PLEC: variants seen among roughly 807,000 people sequenced by gnomAD.
PLEC encodes the protein plectin.
Under a neutral mutation model 392.8 loss-of-function variants are expected in PLEC, and 216 were observed. That is an observed-to-expected ratio of 0.55 (90% CI 0.49 to 0.62). PLEC has a LOEUF of 0.62. Ranked by LOEUF, PLEC falls within the 20% of genes least tolerant of loss-of-function variation. PLEC has a pLI of 0.00. For synonymous variants in PLEC, 3,621 were observed against 2,980.6 expected (o/e 1.21, Z -7.00); for missense variants, 6,863 against 6,563.4 (o/e 1.05, Z -1.58).
chr8:143,941,707 A>C (rs1830489932), upstream of PLEC, among the ~76,000 whole-genome samples: 1 of 61,820 alleles, frequency 1.6e-5, no homozygotes, highest in Non-Finnish European at 3.1e-5. Flanking sequence ...TCCTATTCTG[A>C]CCCTAAAACC....
upstream of PLEC, chr8:143,973,566 C>G: frequency 1.0e-6 from 1 of 1,001,180 alleles, no homozygotes; most frequent in Non-Finnish European, 1.2e-6. This position sits in a 1 kb window ranked among gnomAD's most constrained non-coding sequence, Gnocchi z 5.6. Context: ...AAGAGGCCGC[C>G]CCCGCCCCGC....
Position 143,917,707 on chromosome 8 carries a change from A to G in PLEC, c.12114T>C (p.His4038=), listed in dbSNP as rs2130868944. ...AMKKGLILKD[H]GIRLLEAQIA... ...TCTGGGCCTCCAGCAGGCGGATGCC[A>G]TGGTCCTTCAGGATCAGGCCCTTCT... Residue 4038 remains histidine, a synonymous_variant, in exon 32 of 32, where the codon CAT becomes CAC. Transcript: ENST00000345136. 6.2e-7 allele frequency: 1 copy of G among 1,613,480 alleles called. No homozygotes were observed. Among genetic ancestry groups the G allele is most frequent in the Non-Finnish European group, 8.5e-7 (1 of 1,179,990 alleles).
rs1366052392 is a variant in PLEC, at chr8:143,926,191, G to A, written c.4045-307C>T. On this transcript the variant is annotated intron_variant, in intron 30 of 31. Coordinates refer to ENST00000345136, the MANE Select transcript of PLEC (RefSeq NM_201384.3). The stretch of plus-strand genomic sequence containing the variant: ...AGCAAAGCAGGAGCTCGGAACCTGC[G>A]AGCCACACCCAGCACACAGCCCTGC... Among the ~76,000 whole-genome samples the A allele has an allele frequency of 2.0e-5, 3 of 152,198 alleles. 1 individual carries two copies. Among genetic ancestry groups the A allele is most frequent in the Non-Finnish European group, 4.4e-5 (3 of 68,028 alleles).
In PLEC at chr8:143,969,739, G is replaced by T. The variant is rs1554743564; in HGVS notation, c.70+3664C>A. ...GGGAGTGGGGAGTGGGGCCAGCCGGGGGCCTGGGCAGCTGGGGATAGAGAC... is the reference window on the plus strand; with the variant it reads ...GGGAGTGGGGAGTGGGGCCAGCCGGTGGCCTGGGCAGCTGGGGATAGAGAC... On this transcript the variant is annotated intron_variant, in intron 1 of 31. Coordinates refer to the PLEC transcript ENST00000356346. This position sits in a 1 kb window ranked among gnomAD's most constrained non-coding sequence, Gnocchi z 5.1. Among the ~76,000 whole-genome samples the T allele has an allele frequency of 1.3e-5, 2 of 152,136 alleles. No individual in the cohort carries two copies. Among genetic ancestry groups the T allele is most frequent in the Non-Finnish European group, 2.9e-5 (2 of 68,024 alleles).
At position 143,925,709 on chromosome 8, in the gene PLEC, G is replaced by T; in HGVS notation, c.4220C>A (p.Ala1407Glu). Residue 1407 changes from alanine to glutamate, a missense_variant, in exon 31 of 32, where the codon GCG becomes GAG. By Grantham distance (107) the Ala-to-Glu change is moderately radical (BLOSUM62 -1). Coordinates refer to ENST00000345136, the MANE Select transcript of PLEC (RefSeq NM_201384.3). ...CTTCTGCTGCTGCGCGTCCACCGCC[G>T]CCTCCTCCCGCCGCACCACCTCCTC... ...MQEEVVRREE[A>E]AVDAQQQKRS... The T allele has an allele frequency of 6.3e-7, 1 of 1,591,806 alleles. No homozygotes were observed.
chr8:143,937,081 A>G lies in PLEC; in HGVS notation c.343-10T>C. ...TGTTCACCAGCTTCACCTGTGAGCG[A>G]GGGGCTCTCGGTCACGGCCCACAGG... On this transcript the variant is annotated splice_polypyrimidine_tract_variant and intron_variant, in intron 4 of 31. Coordinates refer to ENST00000345136, the MANE Select transcript of PLEC (RefSeq NM_201384.3). 1 of 1,611,892 alleles carries G rather than the reference A, an allele frequency of 6.2e-7. No individual in the cohort carries two copies. Among genetic ancestry groups the G allele is most frequent in the East Asian group, 2.2e-5 (1 of 44,840 alleles).
rs782793472 is a variant in PLEC at position 143,934,464 on chromosome 8, C to T, written c.1042-19G>A. On this transcript the variant is annotated intron_variant, in intron 10 of 31. Coordinates refer to ENST00000345136, the MANE Select transcript of PLEC (RefSeq NM_201384.3). ...CCGCTCCCTGTAGACAGGGGCCACA[C>T]TCAGGCCCTATAGGCAGGGGGCAGG... 9 of 1,610,110 alleles carry T rather than the reference C, an allele frequency of 5.6e-6. No individual in the cohort carries two copies. The African/African-American group carries it at 1.1e-4, about 19-fold the overall frequency.
chr8:143,937,077 A>C lies in PLEC; in HGVS notation c.343-6T>G, dbSNP rs886044815. ...CTGATGTTCACCAGCTTCACCTGTG[A>C]GCGAGGGGCTCTCGGTCACGGCCCA... On this transcript the variant is annotated splice_region_variant and splice_polypyrimidine_tract_variant and intron_variant, in intron 4 of 31. Coordinates refer to ENST00000345136, the MANE Select transcript of PLEC (RefSeq NM_201384.3). 12 of 1,612,144 alleles carry C rather than the reference A, an allele frequency of 7.4e-6. No individual in the cohort carries two copies. Among genetic ancestry groups the C allele is most frequent in the Non-Finnish European group, 1.0e-5 (12 of 1,179,230 alleles).
At chr8:143,962,818 T>C (rs1397925083) in intron 1 of PLEC, among the ~76,000 whole-genome samples, 1 of 152,224 alleles carries the variant, frequency 6.6e-6, no homozygotes, top group Non-Finnish European at 1.5e-5. Context: ...TGGCTGCTTC[T>C]TGCTGCTTAT....
Position 143,922,873 on chromosome 8 carries a change from C to T in PLEC, c.7056G>A (p.Gln2352=). ...TCTCCTCCGCCAGCTGCTGCGCCAT[C>T]TGCTCCTTGTCCTCCTGCAGCCGCC... ...QARRLQEDKE[Q]MAQQLAEETQ... Residue 2352 remains glutamine (Q), a synonymous_variant, in exon 31 of 32, where the codon CAG becomes CAA. Transcript: ENST00000345136. The T allele has an allele frequency of 6.3e-7, 1 of 1,582,592 alleles. No individual in the cohort carries two copies. Among genetic ancestry groups the T allele is most frequent in the African/African-American group, 1.3e-5 (1 of 74,262 alleles).
Position 143,932,395 on chromosome 8 carries a change from C to A in PLEC, c.1977+5G>T. On this transcript the variant is annotated splice_donor_5th_base_variant and intron_variant, in intron 16 of 31. Coordinates refer to ENST00000345136, the MANE Select transcript of PLEC (RefSeq NM_201384.3). ...GGGGTTCAGGGCAGCTGGGCCACCG[C>A]TCACCGAGTAGCTCTCCTTCTTGGC... 1 of 1,612,726 alleles carries A rather than the reference C, an allele frequency of 6.2e-7. No individual in the cohort carries two copies. Among genetic ancestry groups the A allele is most frequent in the Non-Finnish European group, 8.5e-7 (1 of 1,179,946 alleles).
chr8:143,934,434 T>C lies in PLEC; in HGVS notation c.1053A>G (p.Gln351=). Residue 351 remains glutamine (Q), a synonymous_variant, in exon 11 of 32, where the codon CAA becomes CAG. Coordinates refer to ENST00000345136, the MANE Select transcript of PLEC (RefSeq NM_201384.3). ...GIYQSLEGAV[Q]AGQLKVPPGY... ...CAGGGGGCACCTTGAGCTGGCCTGCTTGCACCGCTCCCTGTAGACAGGGGC... is the reference window on the plus strand; with the variant it reads ...CAGGGGGCACCTTGAGCTGGCCTGCCTGCACCGCTCCCTGTAGACAGGGGC... 2 of 1,611,648 alleles carry C rather than the reference T, an allele frequency of 1.2e-6. No homozygotes were observed. The highest frequency in any genetic ancestry group is 1.7e-4 in the Middle Eastern group (1 of 6,056).
chr8:143,965,567 G>A (rs1554742015), intron 1 of PLEC, among the ~76,000 whole-genome samples: 1 of 152,198 alleles, frequency 6.6e-6, no homozygotes, highest in Non-Finnish European at 1.5e-5. Flanking sequence ...AGCGGTGGGA[G>A]ATCTGGGCAC....
rs199815198 is a variant in PLEC, at chr8:143,919,235, C to A, written c.10586G>T (p.Arg3529Leu). 12 of 1,613,900 alleles carry A rather than the reference C, an allele frequency of 7.4e-6. No individual in the cohort carries two copies. The highest frequency in any genetic ancestry group is 1.0e-5 in the Non-Finnish European group (12 of 1,180,026). The part of the protein sequence containing the change: ...ENLTYRQLLE[R>L]CVEDPETGLR... ...GCCCGTCTCGGGGTCCTCCACGCACCGCTCCAGCAGCTGCCTGTACGTGAG... is the reference window on the plus strand; with the variant it reads ...GCCCGTCTCGGGGTCCTCCACGCACAGCTCCAGCAGCTGCCTGTACGTGAG... Residue 3529 changes from arginine to leucine, a missense_variant, in exon 32 of 32, where the codon CGG (arginine) becomes CTG (leucine). Coordinates refer to ENST00000345136, the MANE Select transcript of PLEC (RefSeq NM_201384.3).
At chr8:143,957,721 G>C (rs1039144765), upstream of PLEC, among the ~76,000 whole-genome samples, 1 of 152,114 alleles carries the variant, frequency 6.6e-6, no homozygotes, top group Non-Finnish European at 1.5e-5. Context: ...CCACACCTGC[G>C]AATGGGATGG....
chr8:143,948,776 AAGGAGGGG>A (rs1197772576), intron 1 of PLEC, among the ~76,000 whole-genome samples: 1 of 152,172 alleles, frequency 6.6e-6, no homozygotes, highest in Non-Finnish European at 1.5e-5. Flanking sequence ...GAAGGAGAAA[AAGGAGGGG>A]AGGGACTCCC....
rs199866423 is a variant in PLEC, at chr8:143,934,364, C to A, written c.1123G>T (p.Val375Leu). The change falls in exon 11 of 32, where the codon GTG becomes TTG. Residue 375 changes from valine (V) to leucine (L), a missense_variant. Val to Leu is a conservative substitution (Grantham distance 32). Coordinates refer to ENST00000345136, the MANE Select transcript of PLEC (RefSeq NM_201384.3). ...DVEKEWGKLH[V>L]AILEREKQLR... ...TGCTTCTCCCGCTCCAGGATGGCCA[C>A]GTGCAGCTTGCCCCACTCCTTCTCC... 6.2e-7 allele frequency: 1 copy of A among 1,612,626 alleles called. No individual in the cohort carries two copies. Among genetic ancestry groups the A allele is most frequent in the Non-Finnish European group, 8.5e-7 (1 of 1,179,956 alleles).
At chr8:143,930,628 C>A in intron 19 of PLEC, 92 bp from the exon 20 acceptor site, 14 of 1,349,126 alleles carry the variant, frequency 1.0e-5, no homozygotes, top group Non-Finnish European at 1.2e-5. Context: ...GCCTGTGGGG[C>A]CCTCCTGATG....
chr8:143,957,315 A>T (rs1832648282), upstream of PLEC, among the ~76,000 whole-genome samples: 1 of 152,186 alleles, frequency 6.6e-6, no homozygotes, highest in Non-Finnish European at 1.5e-5. Context: ...CCGAAGAAGC[A>T]CGCGGGTCTG....
Sources: gnomAD v4.1 joint callset for allele counts (sites outside exome capture counted in the v4.1 genomes callset) on GRCh38, gnomAD v4.1.1 for gene constraint, Gnocchi (gnomAD v3.1) non-coding constraint, MANE v1.5 for transcripts, NCBI Gene and HGNC (gene_info 2026-07-23, HGNC 2026-07-21) for gene names.